The following CPPED1 variants were observed in gnomAD, a reference collection of about 807,000 sequenced individuals.
CPPED1 encodes serine/threonine-protein phosphatase CPPED1.
In CPPED1, 28 loss-of-function variants were observed where a neutral mutation model predicts 28.0. That is an observed-to-expected ratio of 1.00 (90% CI 0.74 to 1.37). CPPED1 has a LOEUF of 1.37. Ranked by LOEUF, CPPED1 falls within the 40% of genes most tolerant of loss-of-function variation. The pLI is 0.00. For synonymous variants in CPPED1, 198 were observed against 180.2 expected, an observed-to-expected ratio of 1.10 and a Z score of -0.79; for missense variants, 504 against 416.5, an observed-to-expected ratio of 1.21 and a Z score of -1.83.
At chr16:12,729,517 C>T (rs1198775156) in intron 2 of CPPED1, among the ~76,000 whole-genome samples, 1 of 152,080 alleles carries the variant, frequency 6.6e-6, no homozygotes, top group Non-Finnish European at 1.5e-5. Context: ...GAATCAGAAT[C>T]GTGTTGTCAT....
rs1304742132 is a variant in CPPED1, at chr16:12,682,233, C to T, written c.716-17118G>A. Among the ~76,000 whole-genome samples the T allele has an allele frequency of 5.9e-5, 9 of 152,008 alleles. No homozygotes were observed. In the East Asian group the frequency reaches 9.7e-4, roughly 16 times the overall value. ...TGTCTTTAGTAGAGACAGGATTTTA[C>T]GATGTTGGCCAGGCTGATCTCAAAC... On this transcript the variant is annotated intron_variant, in intron 3 of 3. Transcript: ENST00000381774. The surrounding 1 kb of genome is among the most constrained non-coding windows in gnomAD (Gnocchi z 6.1).
chr16:12,774,465 C>CAA (rs113635812), intron 2 of CPPED1, among the ~76,000 whole-genome samples: 2 of 138,328 alleles, frequency 1.4e-5, no homozygotes, highest in Admixed American at 7.3e-5. Flanking sequence ...GAGACTGTCT[C>CAA]AAAAAAAAAA....
intron 2 of CPPED1, among the ~76,000 whole-genome samples, chr16:12,724,823 G>A (rs2080161122): frequency 6.6e-6 from 1 of 152,046 alleles, no homozygotes; most frequent in Non-Finnish European, 1.5e-5. Flanking sequence ...GTGTCACTCT[G>A]TCACCCAGAC....
At chr16:12,801,630 G>A (rs189997407) in intron 1 of CPPED1, among the ~76,000 whole-genome samples, 1 of 152,142 alleles carries the variant, frequency 6.6e-6, no homozygotes, top group East Asian at 1.9e-4. Context: ...ACTCTCCCAT[G>A]TGTCCACAAA....
rs150458064 is a variant in CPPED1 at position 12,773,075 on chromosome 16, G to A, written c.289+8110C>T. Among the ~76,000 whole-genome samples the A allele has an allele frequency of 5.1e-3, 782 of 152,290 alleles. 2 individuals carry two copies. Among genetic ancestry groups the A allele is most frequent in the Middle Eastern group, 0.034 (10 of 294 alleles). ...AAACTCTTAGTTTTCAGAGCTTTCTGAACTTTTGAGATGGTAGGTAAGGGG... is the reference window on the plus strand; with the variant it reads ...AAACTCTTAGTTTTCAGAGCTTTCTAAACTTTTGAGATGGTAGGTAAGGGG... On this transcript the variant is annotated intron_variant, in intron 2 of 3. Coordinates refer to ENST00000381774, the MANE Select transcript of CPPED1 (RefSeq NM_018340.3).
chr16:12,718,672 T>C (rs2080120988), intron 2 of CPPED1, among the ~76,000 whole-genome samples: 1 of 151,798 alleles, frequency 6.6e-6, no homozygotes. Context: ...AATCTGAAAA[T>C]GCACATTCAG....
At chr16:12,678,705 T>C (rs902136033) in intron 3 of CPPED1, among the ~76,000 whole-genome samples, 1 of 152,230 alleles carries the variant, frequency 6.6e-6, no homozygotes, top group South Asian at 2.1e-4. Context: ...TGATAGTATA[T>C]AAAAATACAA....
At chr16:12,741,482 T>G (rs146793764) in intron 2 of CPPED1, among the ~76,000 whole-genome samples, 2 of 152,290 alleles carry the variant, frequency 1.3e-5, no homozygotes, top group Non-Finnish European at 2.9e-5. Flanking sequence ...GCAATGGGCC[T>G]GATGATTTGC....
chr16:12,791,719 C>T (rs2080597756), intron 1 of CPPED1, among the ~76,000 whole-genome samples: 1 of 152,228 alleles, frequency 6.6e-6, no homozygotes, highest in African/African-American at 2.4e-5. Context: ...CTCTTCCCAA[C>T]CCCTTAACCA....
At chr16:12,724,956 T>C (rs997727065) in intron 2 of CPPED1, among the ~76,000 whole-genome samples, 1 of 151,558 alleles carries the variant, frequency 6.6e-6, no homozygotes, top group Non-Finnish European at 1.5e-5. Context: ...CCGGCTAATT[T>C]TTTGTATTTT....
intron 3 of CPPED1, among the ~76,000 whole-genome samples, chr16:12,701,448 C>A (rs1321617189): frequency 6.6e-6 from 1 of 152,132 alleles, no homozygotes; most frequent in South Asian, 2.1e-4. Flanking sequence ...GCAGGAGAAT[C>A]ACTTGAACTT....
chr16:12,781,302 C>T lies in CPPED1; in HGVS notation c.172G>A (p.Gly58Ser), dbSNP rs371850703. The change falls in exon 2 of 4, where the codon GGT (glycine) becomes AGT (serine). Residue 58 changes from glycine to serine, a missense_variant. Coordinates refer to ENST00000381774, the MANE Select transcript of CPPED1 (RefSeq NM_018340.3). ...AWSTGDCDNG[G>S]DEWEQEIRLT... ...CGGATCTCCTGTTCCCATTCGTCACCGCCATTGTCACAGTCCCCAGTGGAC... is the reference window on the plus strand; with the variant it reads ...CGGATCTCCTGTTCCCATTCGTCACTGCCATTGTCACAGTCCCCAGTGGAC... 108 of 1,614,004 alleles carry T rather than the reference C, an allele frequency of 6.7e-5. No individual in the cohort carries two copies. The highest frequency in any genetic ancestry group is 8.4e-5 in the Non-Finnish European group (99 of 1,180,042).
intron 2 of CPPED1, chr16:12,752,922 C>G (rs2080339740): frequency 6.7e-6 from 1 of 149,164 alleles, no homozygotes; most frequent in African/African-American, 2.5e-5. Flanking sequence ...ATAAATATGT[C>G]AATATATTAA....
At chr16:12,753,236 T>A (rs1381128960) in intron 2 of CPPED1, 1 of 152,204 alleles carries the variant, frequency 6.6e-6, no homozygotes, top group Non-Finnish European at 1.5e-5. Flanking sequence ...AGTGATGCTG[T>A]CCTGCAGTGT....
Position 12,704,727 on chromosome 16 carries a change from C to T in CPPED1, c.612G>A (p.Gln204=). ...TGCTCTCCAGGAACAGCGGGATGTG[C>T]TGGAAGACGATGGCATGCTGGCAGT... ...QRHCQHAIVF[Q]HIPLFLESID... is the part of the protein sequence containing the mutation. The change falls in exon 3 of 4, where the codon CAG becomes CAA. Residue 204 remains glutamine (Q), a synonymous_variant. Coordinates refer to ENST00000381774, the MANE Select transcript of CPPED1 (RefSeq NM_018340.3). 6.2e-7 allele frequency: 1 copy of T among 1,614,218 alleles called. No individual in the cohort carries two copies. Among genetic ancestry groups the T allele is most frequent in the Non-Finnish European group, 8.5e-7 (1 of 1,180,046 alleles).
At chr16:12,668,400 G>A (rs1279205184) in intron 3 of CPPED1, among the ~76,000 whole-genome samples, 2 of 152,060 alleles carry the variant, frequency 1.3e-5, no homozygotes, top group Non-Finnish European at 2.9e-5. Context: ...TGTTTGGAAG[G>A]GAGATAAAAA....
In CPPED1 at chr16:12,747,312, G is replaced by C. The variant is rs778363059; in HGVS notation, c.289+33873C>G. The stretch of plus-strand genomic sequence containing the variant: ...CCAGGCACAATGACTGGCATCTGTA[G>C]TCCCAGCTACTCAGGAGGCTGAGGT... On this transcript the variant is annotated intron_variant, in intron 2 of 3. Coordinates refer to ENST00000381774, the MANE Select transcript of CPPED1 (RefSeq NM_018340.3). Among the ~76,000 whole-genome samples the C allele has an allele frequency of 2.6e-5, 4 of 152,072 alleles. 1 individual carries two copies. The highest frequency in any genetic ancestry group is 6.8e-3 in the Middle Eastern group (2 of 294).
At chr16:12,753,983 A>G (rs2080348033) in intron 2 of CPPED1, 1 of 152,204 alleles carries the variant, frequency 6.6e-6, no homozygotes, top group Admixed American at 6.5e-5. Flanking sequence ...TGGTCATTGC[A>G]TCACGAGAAA....
intron 1 of CPPED1, among the ~76,000 whole-genome samples, chr16:12,790,884 C>T (rs2080591979): frequency 7.1e-6 from 1 of 141,638 alleles, no homozygotes; most frequent in South Asian, 2.2e-4. Flanking sequence ...CACACCACTG[C>T]ACTCCAGCCT....
Sources: gnomAD v4.1 joint callset for allele counts (sites outside exome capture counted in the v4.1 genomes callset) on GRCh38, gnomAD v4.1.1 for gene constraint, Gnocchi (gnomAD v3.1) non-coding constraint, MANE v1.5 for transcripts, NCBI Gene and HGNC (gene_info 2026-07-23, HGNC 2026-07-21) for gene names.